SGIP1: variants seen among roughly 807,000 people sequenced by gnomAD.
SGIP1 encodes the protein SH3GL interacting endocytic adaptor 1, also known as SH3-containing GRB2-like protein 3-interacting protein 1.
Under a neutral mutation model 107.5 loss-of-function variants are expected in SGIP1, and 38 were observed. The ratio of observed to expected loss-of-function variants is 0.35; its 90% confidence interval spans 0.27 to 0.46. SGIP1 has a LOEUF of 0.46. Ranked by LOEUF, SGIP1 falls within the 20% of genes least tolerant of loss-of-function variation. SGIP1 has a pLI of 1.00. For missense variants in SGIP1, 929 were observed against 1,019.5 expected, an observed-to-expected ratio of 0.91 and a Z score of 1.21; for synonymous variants, 365 against 366.1, an observed-to-expected ratio of 1.00 and a Z score of 0.03.
At chr1:66,706,779 G>A (rs1227745375) in intron 18 of SGIP1, among the ~76,000 whole-genome samples, 1 of 152,034 alleles carries the variant, frequency 6.6e-6, no homozygotes, top group East Asian at 1.9e-4. Context: ...GCATGTGAAT[G>A]TGAGTCTGCG....
intron 8 of SGIP1, among the ~76,000 whole-genome samples, chr1:66,664,116 T>G (rs1249165920): frequency 6.6e-6 from 1 of 152,170 alleles, no homozygotes; most frequent in African/African-American, 2.4e-5. Flanking sequence ...ACCAAAGAAC[T>G]TTTTAATCTG....
chr1:66,644,346 T>TA (rs200625504), intron 7 of SGIP1, among the ~76,000 whole-genome samples: 19,252 of 146,330 alleles, frequency 0.13, 1,283 homozygotes, highest in Admixed American at 0.18. Context: ...AGATTTGGGG[T>TA]AAAAAAAAAA....
In SGIP1 at chr1:66,534,339, A is replaced by G; in HGVS notation, c.-20A>G. ...GTTTTTTCAGACTCCTTGGAAATTA[A>G]GGAATGCAATTCTGCCACCATGATG... On this transcript the variant is annotated 5_prime_UTR_variant, in exon 1 of 25. Coordinates refer to ENST00000371037, the MANE Select transcript of SGIP1 (RefSeq NM_032291.4). 6.2e-7 allele frequency: 1 copy of G among 1,614,058 alleles called. No individual in the cohort carries two copies. The highest frequency in any genetic ancestry group is 1.1e-5 in the South Asian group (1 of 91,078).
intron 7 of SGIP1, among the ~76,000 whole-genome samples, chr1:66,657,666 C>G (rs944240429): frequency 6.6e-6 from 1 of 152,088 alleles, no homozygotes; most frequent in South Asian, 2.1e-4. Flanking sequence ...GGATAAGCCA[C>G]TTTTCAACAA....
rs373138441 is a variant in SGIP1, at chr1:66,734,126, C to CA, written c.2031+253dup. Among the ~76,000 whole-genome samples the CA allele has an allele frequency of 1.5e-3, 228 of 151,834 alleles. 1 individual carries two copies. Among genetic ancestry groups the CA allele is most frequent in the African/African-American group, 5.0e-3 (207 of 41,432 alleles). On this transcript the variant is annotated intron_variant, in intron 21 of 24. Transcript: ENST00000371037. Reference sequence around the variant, plus strand: ...ATCACAAAATTAGAGAAATGTGCCACAAAAAAATGAAGTTGCAAAACATTA... The same window carrying CA: ...ATCACAAAATTAGAGAAATGTGCCACAAAAAAAATGAAGTTGCAAAACATTA...
intron 1 of SGIP1, among the ~76,000 whole-genome samples, chr1:66,603,584 G>A (rs1220860837): frequency 2.0e-5 from 3 of 152,026 alleles, no homozygotes; most frequent in Non-Finnish European, 2.9e-5. Context: ...ACACTGTACT[G>A]GAAACACATT....
chr1:66,589,163 CATATAT>C (rs55788345), intron 1 of SGIP1, among the ~76,000 whole-genome samples: 1,381 of 69,204 alleles, frequency 0.02, 30 homozygotes, highest in African/African-American at 0.033. Flanking sequence ...TAAAAGTTTA[CATATAT>C]ATATATATAT....
intron 9 of SGIP1, 68 bp from the exon 10 acceptor site, chr1:66,670,927 G>T (rs7540244): frequency 0.13 from 96,949 of 752,240 alleles, 6,459 homozygotes; most frequent in East Asian, 0.16. Flanking sequence ...TGCAATGACA[G>T]AAATAATACA....
At chr1:66,645,522 G>C (rs1052971998) in intron 7 of SGIP1, among the ~76,000 whole-genome samples, 12 of 152,126 alleles carry the variant, frequency 7.9e-5, no homozygotes, top group African/African-American at 2.9e-4. Context: ...AGTGACCTCG[G>C]AGTTACTCTG....
intron 10 of SGIP1, 97 bp downstream of exon 10, chr1:66,671,116 T>G (rs920096433): frequency 5.4e-6 from 3 of 554,266 alleles, no homozygotes; most frequent in African/African-American, 3.9e-5. Context: ...TATACATTCC[T>G]GGGCTTAATT....
chr1:66,624,906 A>G (rs1177656980), intron 1 of SGIP1, among the ~76,000 whole-genome samples: 4 of 152,212 alleles, frequency 2.6e-5, no homozygotes, highest in Non-Finnish European at 4.4e-5. Flanking sequence ...CAGAAGAACC[A>G]AGACTGGGCT....
At chr1:66,594,986 A>G (rs1170333428) in intron 1 of SGIP1, among the ~76,000 whole-genome samples, 1 of 152,196 alleles carries the variant, frequency 6.6e-6, no homozygotes, top group African/African-American at 2.4e-5. Flanking sequence ...GTGTGGAGTC[A>G]GACTAAAATG....
chr1:66,609,158 ATAAAACGAATG>A (rs1337237373), intron 1 of SGIP1, among the ~76,000 whole-genome samples: 1 of 152,194 alleles, frequency 6.6e-6, no homozygotes, highest in Admixed American at 6.5e-5. Flanking sequence ...GATGAATGAG[ATAAAACGAATG>A]CCTTCAATTG....
chr1:66,549,786 T>C (rs1357479269), intron 1 of SGIP1, among the ~76,000 whole-genome samples: 4 of 152,154 alleles, frequency 2.6e-5, no homozygotes, highest in African/African-American at 9.7e-5. Flanking sequence ...CTTGCCTAGT[T>C]TCTGACCAGG....
chr1:66,605,057 C>T (rs74085179), intron 1 of SGIP1, among the ~76,000 whole-genome samples: 1 of 152,100 alleles, frequency 6.6e-6, no homozygotes, highest in South Asian at 2.1e-4. Flanking sequence ...AAATCTAACC[C>T]CATAAATGTT....
At chr1:66,574,822 G>A (rs772407915) in intron 1 of SGIP1, among the ~76,000 whole-genome samples, 1 of 151,664 alleles carries the variant, frequency 6.6e-6, no homozygotes, top group Non-Finnish European at 1.5e-5. Context: ...ACATGTATAT[G>A]TGTGTATATA....
intron 18 of SGIP1, among the ~76,000 whole-genome samples, chr1:66,709,857 G>A (rs550897671): frequency 2.5e-4 from 38 of 152,058 alleles, no homozygotes; most frequent in Non-Finnish European, 4.6e-4. Context: ...TGTTCTTTTA[G>A]TTCTCATCGT....
At chr1:66,708,351 T>C (rs1317148845) in intron 18 of SGIP1, among the ~76,000 whole-genome samples, 1 of 152,170 alleles carries the variant, frequency 6.6e-6, no homozygotes, top group East Asian at 1.9e-4. Context: ...ATGCTATAGC[T>C]GCCTGTTTCC....
At chr1:66,540,343 C>T (rs1450324257) in intron 1 of SGIP1, among the ~76,000 whole-genome samples, 1 of 152,172 alleles carries the variant, frequency 6.6e-6, no homozygotes, top group East Asian at 1.9e-4. Flanking sequence ...GTAGCACCAC[C>T]ATTCAAAGAA....
Sources: gnomAD v4.1 joint callset for allele counts (sites outside exome capture counted in the v4.1 genomes callset) on GRCh38, gnomAD v4.1.1 for gene constraint, MANE v1.5 for transcripts, NCBI Gene and HGNC (gene_info 2026-07-23, HGNC 2026-07-21) for gene names.